NAV2: variants seen among roughly 807,000 people sequenced by gnomAD.
The protein encoded by NAV2 is helicase, APC down-regulated 1.
A neutral mutation model predicts 223.2 loss-of-function variants in NAV2; 54 were observed. The observed-to-expected ratio is 0.24, with a 90% CI of 0.19 to 0.30. The LOEUF (loss-of-function observed/expected upper bound fraction) is 0.30. Among genes scored for constraint, NAV2 ranks in the 10% least tolerant of loss-of-function variants. NAV2 has a pLI of 1.00. For missense variants in NAV2, 2,806 were observed against 3,147.5 expected (o/e 0.89, Z 2.60); for synonymous variants, 1,279 against 1,239.3 (o/e 1.03, Z -0.67).
intron 1 of NAV2, among the ~76,000 whole-genome samples, chr11:19,387,425 G>C (rs1849084917): frequency 6.6e-6 from 1 of 152,124 alleles, no homozygotes; most frequent in Admixed American, 6.5e-5. Context: ...TGTAGTTCAG[G>C]CTGCTGGAGC....
At chr11:20,053,111 G>A (rs1197194977) in intron 17 of NAV2, among the ~76,000 whole-genome samples, 2 of 151,158 alleles carry the variant, frequency 1.3e-5, no homozygotes, top group South Asian at 2.1e-4. Context: ...CCAGCTACTC[G>A]GGAGGCTGAG....
chr11:19,884,972 G>C (rs375849837), intron 5 of NAV2, among the ~76,000 whole-genome samples: 2 of 152,110 alleles, frequency 1.3e-5, no homozygotes, highest in Non-Finnish European at 2.9e-5. Flanking sequence ...TAAAAAACAG[G>C]CTTGCTCACA....
chr11:19,860,272 G>A (rs1471042617), intron 3 of NAV2, among the ~76,000 whole-genome samples: 1 of 142,962 alleles, frequency 7.0e-6, no homozygotes, highest in Non-Finnish European at 1.5e-5. Flanking sequence ...TCACTTCTCA[G>A]ACGGGGCGGC....
intron 10 of NAV2, among the ~76,000 whole-genome samples, chr11:19,953,148 T>A (rs1369722610): frequency 6.6e-6 from 1 of 152,200 alleles, no homozygotes; most frequent in African/African-American, 2.4e-5. Context: ...TTTTTTTTCT[T>A]TTCAAAGGAG....
intron 1 of NAV2, among the ~76,000 whole-genome samples, chr11:19,799,199 C>T (rs2058086096): frequency 6.6e-6 from 1 of 152,152 alleles, no homozygotes; most frequent in South Asian, 2.1e-4. Context: ...TTCTTATGCC[C>T]ACATGAATTC....
chr11:19,671,193 A>G (rs140838679), intron 1 of NAV2, among the ~76,000 whole-genome samples: 1 of 152,258 alleles, frequency 6.6e-6, no homozygotes, highest in Non-Finnish European at 1.5e-5. Flanking sequence ...CTAGTTTTGT[A>G]CTGTTTGCTC....
intron 1 of NAV2, among the ~76,000 whole-genome samples, chr11:19,612,375 C>A (rs1197193401): frequency 1.3e-5 from 2 of 152,224 alleles, no homozygotes; most frequent in Non-Finnish European, 2.9e-5. Context: ...CAGCTTGAAT[C>A]TCTCCCCAGA....
intron 11 of NAV2, among the ~76,000 whole-genome samples, chr11:19,992,583 C>CTTTTTT (rs780559920): frequency 6.8e-5 from 7 of 103,534 alleles, no homozygotes; most frequent in East Asian, 2.9e-4. Context: ...TCCTGAAGTA[C>CTTTTTT]TTTTTTTTTT....
At chr11:19,543,363 G>A (rs1478691329) in intron 1 of NAV2, among the ~76,000 whole-genome samples, 6 of 152,150 alleles carry the variant, frequency 3.9e-5, no homozygotes, top group South Asian at 2.1e-4. Flanking sequence ...TTGAACTGCC[G>A]ATGATGCATG....
At chr11:19,842,800 G>T in intron 2 of NAV2, 71 bp from the exon 3 acceptor site, 1 of 1,487,864 alleles carries the variant, frequency 6.7e-7, no homozygotes. Context: ...GTTGCCTCAA[G>T]TGTCCTGAAC....
chr11:19,588,353 G>T (rs988965567), intron 1 of NAV2, among the ~76,000 whole-genome samples: 2 of 152,186 alleles, frequency 1.3e-5, no homozygotes, highest in African/African-American at 2.4e-5. Flanking sequence ...TTTACCCAAG[G>T]ATCTCTGATT....
chr11:19,377,485 C>A (rs1000821949), intron 1 of NAV2, among the ~76,000 whole-genome samples: 3 of 152,202 alleles, frequency 2.0e-5, no homozygotes, highest in African/African-American at 7.2e-5. Flanking sequence ...ATCCCCCTCG[C>A]TGTGTTTGGA....
chr11:19,383,220 T>C (rs1284937801), intron 1 of NAV2, among the ~76,000 whole-genome samples: 1 of 152,124 alleles, frequency 6.6e-6, no homozygotes, highest in African/African-American at 2.4e-5. Context: ...TGTGGCCATG[T>C]CAATGAATTC....
At chr11:19,729,979 C>G (rs1471624478) in intron 1 of NAV2, among the ~76,000 whole-genome samples, 1 of 152,196 alleles carries the variant, frequency 6.6e-6, no homozygotes. Context: ...AATCTAGCCT[C>G]CACCTTAGGA....
intron 1 of NAV2, among the ~76,000 whole-genome samples, chr11:19,480,567 G>C (rs1458672274): frequency 6.6e-6 from 1 of 152,184 alleles, no homozygotes; most frequent in Non-Finnish European, 1.5e-5. Flanking sequence ...CAGCAATTCT[G>C]TCTTTATGGG....
chr11:19,764,699 T>C (rs1414514379), intron 1 of NAV2, among the ~76,000 whole-genome samples: 1 of 152,240 alleles, frequency 6.6e-6, no homozygotes, highest in Non-Finnish European at 1.5e-5. Context: ...CTTTATGTTA[T>C]ATGTGCGTGC....
Position 19,845,479 on chromosome 11 carries a change from C to T in NAV2, c.438+2556C>T, listed in dbSNP as rs1008507490. ...AAAAATAATCAGCATAGAGTTAATG[C>T]GGTCACTCCCTAAGAAAACAGATAG... On this transcript the variant is annotated intron_variant, in intron 3 of 37. Coordinates refer to ENST00000349880, the MANE Select transcript of NAV2 (RefSeq NM_145117.5). 6.6e-5 allele frequency among the ~76,000 whole-genome samples: 10 copies of T among 152,222 alleles called. No homozygotes were observed. In the South Asian group the frequency reaches 1.7e-3, roughly 25 times the overall value.
chr11:19,766,361 A>C (rs2055223685), intron 1 of NAV2, among the ~76,000 whole-genome samples: 1 of 152,118 alleles, frequency 6.6e-6, no homozygotes, highest in Non-Finnish European at 1.5e-5. Flanking sequence ...AAGTGTGAAC[A>C]TGGTGATGGG....
chr11:19,759,739 C>G (rs986009906), intron 1 of NAV2, among the ~76,000 whole-genome samples: 1 of 151,826 alleles, frequency 6.6e-6, no homozygotes, highest in South Asian at 2.1e-4. Context: ...ATAATGATAT[C>G]CACCTCATGG....
Sources: allele counts gnomAD v4.1 joint callset (sites outside exome capture counted in the v4.1 genomes callset), GRCh38; gene constraint gnomAD v4.1.1; transcripts MANE v1.5; gene names NCBI Gene and HGNC (gene_info 2026-07-23, HGNC 2026-07-21).